Variants in SNTG1 observed in about 807,000 individuals in gnomAD.
SNTG1 encodes the protein gamma-1-syntrophin.
In SNTG1, 39 loss-of-function variants were observed where a neutral mutation model predicts 74.7. The observed-to-expected ratio is 0.52, with a 90% CI of 0.40 to 0.68. The LOEUF is 0.68. Among genes scored for constraint, SNTG1 ranks in the 30% least tolerant of loss-of-function variants. SNTG1 has a pLI of 0.00. For synonymous variants in SNTG1, 254 were observed against 217.1 expected, an observed-to-expected ratio of 1.17 and a Z score of -1.49; for missense variants, 685 against 609.5, an observed-to-expected ratio of 1.12 and a Z score of -1.30.
intron 1 of SNTG1, among the ~76,000 whole-genome samples, chr8:49,952,104 A>G (rs557790613): frequency 6.6e-6 from 1 of 152,254 alleles, no homozygotes; most frequent in African/African-American, 2.4e-5. Context: ...TGTTTTTATC[A>G]TCAACAGACT....
chr8:50,757,080 T>A (rs1295517066), intron 18 of SNTG1, among the ~76,000 whole-genome samples: 3 of 151,728 alleles, frequency 2.0e-5, no homozygotes, highest in Admixed American at 1.3e-4. Flanking sequence ...CCGTTAAGTA[T>A]GGTATCAGCT....
chr8:50,390,308 C>T (rs184257329), intron 2 of SNTG1, among the ~76,000 whole-genome samples: 40 of 152,282 alleles, frequency 2.6e-4, no homozygotes, highest in African/African-American at 9.4e-4. Context: ...ATATAGCTAG[C>T]CAGTTTTCCC....
chr8:50,252,152 T>C (rs1216950147), intron 2 of SNTG1, among the ~76,000 whole-genome samples: 1 of 152,062 alleles, frequency 6.6e-6, no homozygotes, highest in Non-Finnish European at 1.5e-5. Flanking sequence ...TAAAAATTTC[T>C]TGAAACAAAT....
intron 1 of SNTG1, among the ~76,000 whole-genome samples, chr8:50,130,348 G>C (rs1348310253): frequency 2.0e-5 from 3 of 152,020 alleles, no homozygotes; most frequent in African/African-American, 7.2e-5. Flanking sequence ...TTTTTCATAA[G>C]TGAGGAAACA....
intron 2 of SNTG1, among the ~76,000 whole-genome samples, chr8:50,215,386 A>G (rs1290963033): frequency 1.4e-5 from 2 of 147,818 alleles, no homozygotes; most frequent in Non-Finnish European, 3.0e-5. Context: ...ATAAATATAT[A>G]TATGTGTATA....
intron 5 of SNTG1, among the ~76,000 whole-genome samples, chr8:50,439,960 A>G (rs1187073257): frequency 6.6e-6 from 1 of 151,144 alleles, no homozygotes; most frequent in East Asian, 1.9e-4. Context: ...TTAAATTTAA[A>G]CCCAATAATG....
At chr8:50,747,674 A>G (rs1461452889) in intron 17 of SNTG1, 2 of 151,958 alleles carry the variant, frequency 1.3e-5, no homozygotes, top group Admixed American at 6.6e-5. Flanking sequence ...CTGTTGAAGA[A>G]AAATGCCAAA....
intron 1 of SNTG1, among the ~76,000 whole-genome samples, chr8:50,136,255 T>TG (rs533096018): frequency 9.6e-4 from 146 of 152,186 alleles, no homozygotes; most frequent in South Asian, 5.4e-3. Flanking sequence ...ATTTATATTT[T>TG]GGGGGGGAAT....
chr8:50,010,275 T>A (rs1815649431), intron 1 of SNTG1, among the ~76,000 whole-genome samples: 1 of 152,086 alleles, frequency 6.6e-6, no homozygotes, highest in Admixed American at 6.6e-5. Context: ...ACTCACTTAA[T>A]CCTCACAAAC....
At chr8:50,415,701 T>C (rs1031863166) in intron 4 of SNTG1, among the ~76,000 whole-genome samples, 2 of 152,062 alleles carry the variant, frequency 1.3e-5, no homozygotes, top group African/African-American at 4.8e-5. Context: ...TTTTGCATGA[T>C]GCTTGCTATC....
At chr8:50,774,474 G>T (rs1220915472) in intron 18 of SNTG1, among the ~76,000 whole-genome samples, 2 of 151,706 alleles carry the variant, frequency 1.3e-5, no homozygotes, top group Non-Finnish European at 2.9e-5. Flanking sequence ...AAACAAAAAG[G>T]CTGTCATATA....
intron 2 of SNTG1, 35 bp from the exon 3 acceptor site, chr8:50,394,177 G>T: frequency 6.4e-7 from 1 of 1,561,048 alleles, no homozygotes; most frequent in Non-Finnish European, 8.8e-7. Flanking sequence ...ATGCCATGCT[G>T]TGCCTAATGG....
intron 2 of SNTG1, among the ~76,000 whole-genome samples, chr8:50,241,367 A>G (rs962587698): frequency 1.3e-5 from 2 of 152,204 alleles, no homozygotes; most frequent in African/African-American, 4.8e-5. Context: ...TTCAGACTGA[A>G]TGTTACTAGA....
At chr8:50,693,042 C>A (rs1003345488) in intron 15 of SNTG1, among the ~76,000 whole-genome samples, 16 of 152,168 alleles carry the variant, frequency 1.1e-4, no homozygotes, top group Non-Finnish European at 2.2e-4. Flanking sequence ...GGGCATAGGA[C>A]CCTCTGAGCC....
intron 12 of SNTG1, among the ~76,000 whole-genome samples, chr8:50,578,569 A>G (rs1019330073): frequency 2.0e-5 from 3 of 152,174 alleles, no homozygotes; most frequent in African/African-American, 4.8e-5. Context: ...TATAGTTCCT[A>G]TAATGCCCAC....
At chr8:50,634,676 AT>A (rs892757360) in intron 13 of SNTG1, among the ~76,000 whole-genome samples, 31 of 152,224 alleles carry the variant, frequency 2.0e-4, no homozygotes, top group South Asian at 4.1e-4. Flanking sequence ...TTTTTTGTCT[AT>A]TTTAATTTTT....
intron 1 of SNTG1, among the ~76,000 whole-genome samples, chr8:50,122,151 C>T (rs2081017375): frequency 7.1e-6 from 1 of 141,638 alleles, no homozygotes; most frequent in Non-Finnish European, 1.6e-5. Context: ...AAGTTGTGCC[C>T]ATGGTTGTGT....
At chr8:50,763,134 C>T (rs1328844865) in intron 18 of SNTG1, among the ~76,000 whole-genome samples, 2 of 151,904 alleles carry the variant, frequency 1.3e-5, no homozygotes. Context: ...TCCAACAATC[C>T]GTGATTCTTG....
At chr8:50,564,061 A>G (rs1169109733) in intron 12 of SNTG1, among the ~76,000 whole-genome samples, 1 of 152,052 alleles carries the variant, frequency 6.6e-6, no homozygotes, top group African/African-American at 2.4e-5. Context: ...AAGACACACA[A>G]TAATTCAACT....
Sources: allele counts gnomAD v4.1 joint callset (sites outside exome capture counted in the v4.1 genomes callset), GRCh38; gene constraint gnomAD v4.1.1; transcripts MANE v1.5; gene names NCBI Gene and HGNC (gene_info 2026-07-23, HGNC 2026-07-21).